Variants in ZNF804A observed in about 807,000 individuals in gnomAD.
ZNF804A encodes the protein zinc finger protein 804A.
ZNF804A carries 2 observed loss-of-function variants against 16.5 expected under a neutral mutation model. The observed-to-expected ratio is 0.12, with a 90% CI of 0.05 to 0.38. ZNF804A has a LOEUF of 0.38. ZNF804A is among the 10% of genes least tolerant of loss of function. The probability of loss-of-function intolerance (pLI) is 0.99; values close to 1 mark genes in which losing one functional copy is unlikely to be tolerated. For synonymous variants in ZNF804A, 534 were observed against 489.6 expected (o/e 1.09, Z -1.20); for missense variants, 1,473 against 1,390.7 (o/e 1.06, Z -0.94).
chr2:184,869,928 AG>A (rs1255194438), intron 2 of ZNF804A, among the ~76,000 whole-genome samples: 1 of 152,074 alleles, frequency 6.6e-6, no homozygotes, highest in African/African-American at 2.4e-5. Flanking sequence ...TTGCTAACAG[AG>A]GGTTAAAAAG....
intron 1 of ZNF804A, among the ~76,000 whole-genome samples, chr2:184,794,342 A>T (rs866841618): frequency 1.3e-5 from 2 of 151,908 alleles, no homozygotes; most frequent in African/African-American, 4.8e-5. Context: ...GCATTTTTTC[A>T]TACGTTTGTT....
chr2:184,732,332 T>C (rs1414852290), intron 1 of ZNF804A, among the ~76,000 whole-genome samples: 2 of 152,176 alleles, frequency 1.3e-5, no homozygotes, highest in African/African-American at 4.8e-5. Context: ...TATTGTCTTT[T>C]CTCTTTTGCT....
At chr2:184,721,979 G>A (rs1693323786) in intron 1 of ZNF804A, among the ~76,000 whole-genome samples, 1 of 151,980 alleles carries the variant, frequency 6.6e-6, no homozygotes, top group Admixed American at 6.6e-5. Context: ...AAATAAGCGA[G>A]GCATAGAAAG....
chr2:184,887,008 C>T (rs1684902086), intron 2 of ZNF804A, among the ~76,000 whole-genome samples: 1 of 152,200 alleles, frequency 6.6e-6, no homozygotes, highest in Non-Finnish European at 1.5e-5. Flanking sequence ...GATTTTCCTT[C>T]CTATCATATA....
At chr2:184,779,318 T>C (rs1694339025) in intron 1 of ZNF804A, among the ~76,000 whole-genome samples, 1 of 151,476 alleles carries the variant, frequency 6.6e-6, no homozygotes, top group South Asian at 2.1e-4. Flanking sequence ...TTTTGTTTTC[T>C]TTTTTCCTAG....
rs145222336 is a variant in ZNF804A, at chr2:184,904,391, G to A, written c.256-29212G>A. Among the ~76,000 whole-genome samples, 497 of 152,196 alleles carry A rather than the reference G, an allele frequency of 3.3e-3. 2 individuals carry two copies. The highest frequency in any genetic ancestry group is 0.011 in the African/African-American group (476 of 41,566). ...CTTTGTTAGAACTTAGTCCCATACT[G>A]TCAACCATTGTCAGGTGGCATAATT... On this transcript the variant is annotated intron_variant, in intron 2 of 3. Coordinates refer to ENST00000302277, the MANE Select transcript of ZNF804A (RefSeq NM_194250.2).
At chr2:184,657,189 G>T (rs1343085072) in intron 1 of ZNF804A, among the ~76,000 whole-genome samples, 1 of 152,046 alleles carries the variant, frequency 6.6e-6, no homozygotes, top group Non-Finnish European at 1.5e-5. Context: ...GGGCTCAATT[G>T]ATTCTCCCAC....
chr2:184,703,146 C>T (rs973324334), intron 1 of ZNF804A, among the ~76,000 whole-genome samples: 1 of 152,028 alleles, frequency 6.6e-6, no homozygotes, highest in African/African-American at 2.4e-5. Context: ...GTGTTTACTA[C>T]CCAAATAATT....
At chr2:184,685,516 G>A (rs76706177) in intron 1 of ZNF804A, among the ~76,000 whole-genome samples, 3,876 of 152,068 alleles carry the variant, frequency 0.025, 71 homozygotes, top group African/African-American at 0.054. Flanking sequence ...TGAGGTATGC[G>A]GACAATTGGA....
intron 2 of ZNF804A, among the ~76,000 whole-genome samples, chr2:184,903,184 C>G (rs1279982560): frequency 6.6e-6 from 1 of 152,112 alleles, no homozygotes; most frequent in Non-Finnish European, 1.5e-5. Flanking sequence ...CCCAACAATT[C>G]CTGTGTGTGA....
chr2:184,670,402 A>G (rs1692323706), intron 1 of ZNF804A, among the ~76,000 whole-genome samples: 1 of 151,864 alleles, frequency 6.6e-6, no homozygotes, highest in East Asian at 1.9e-4. Flanking sequence ...CTGGAACTTT[A>G]TTAAGACACA....
At chr2:184,638,629 A>G (rs914511739) in intron 1 of ZNF804A, among the ~76,000 whole-genome samples, 3 of 152,192 alleles carry the variant, frequency 2.0e-5, no homozygotes, top group Non-Finnish European at 4.4e-5. Context: ...AACTTACTAG[A>G]TTTTATGTAT....
chr2:184,690,942 A>G (rs1221875191), intron 1 of ZNF804A, among the ~76,000 whole-genome samples: 1 of 152,030 alleles, frequency 6.6e-6, no homozygotes, highest in Non-Finnish European at 1.5e-5. Context: ...AATACTGCCT[A>G]TATCTGGAAA....
intron 2 of ZNF804A, among the ~76,000 whole-genome samples, chr2:184,886,368 G>A (rs1030993867): frequency 3.9e-5 from 6 of 152,186 alleles, no homozygotes; most frequent in Non-Finnish European, 8.8e-5. Context: ...TTCACAGGCT[G>A]GCATTGGAGT....
chr2:184,619,765 A>G (rs1691388037), intron 1 of ZNF804A, among the ~76,000 whole-genome samples: 1 of 151,922 alleles, frequency 6.6e-6, no homozygotes, highest in African/African-American at 2.4e-5. Flanking sequence ...ACAATAAATT[A>G]TCGTTATTTA....
chr2:184,754,202 T>C (rs1442145574), intron 1 of ZNF804A, among the ~76,000 whole-genome samples: 1 of 151,888 alleles, frequency 6.6e-6, no homozygotes, highest in Non-Finnish European at 1.5e-5. Flanking sequence ...CCTTGTTTGC[T>C]AAACACTGGA....
At chr2:184,676,947 A>G (rs561912185) in intron 1 of ZNF804A, among the ~76,000 whole-genome samples, 1 of 152,058 alleles carries the variant, frequency 6.6e-6, no homozygotes, top group Admixed American at 6.5e-5. Context: ...ATATTTATTT[A>G]ACTTTACTCT....
At chr2:184,844,011 T>C (rs1460776167) in intron 1 of ZNF804A, among the ~76,000 whole-genome samples, 1 of 152,148 alleles carries the variant, frequency 6.6e-6, no homozygotes, top group Non-Finnish European at 1.5e-5. Flanking sequence ...AATGATTCAA[T>C]TTTATCTTCT....
chr2:184,938,363 T>G lies in ZNF804A; in HGVS notation c.2967T>G (p.Thr989=), dbSNP rs1489197619. The change falls in exon 4 of 4, where the codon ACT becomes ACG. Residue 989 remains threonine (T), a synonymous_variant. Transcript: ENST00000302277. ...AAGGAAAGATGAATGAGACACCAAC[T>G]GAGTGGCTGCGTTATAATTCAGGAA... ...LPQGKMNETP[T]EWLRYNSGIL... The G allele has an allele frequency of 4.3e-6, 7 of 1,614,140 alleles. No homozygotes were observed. In the Admixed American group the frequency reaches 1.0e-4, roughly 23 times the overall value.
Sources: gnomAD v4.1 joint callset for allele counts (sites outside exome capture counted in the v4.1 genomes callset) on GRCh38, gnomAD v4.1.1 for gene constraint, MANE v1.5 for transcripts, NCBI Gene and HGNC (gene_info 2026-07-23, HGNC 2026-07-21) for gene names.